The following KIF5B variants were observed in gnomAD, a reference collection of about 807,000 sequenced individuals.
KIF5B encodes kinesin family member 5B.
A neutral mutation model predicts 132.8 loss-of-function variants in KIF5B; 49 were observed. The observed-to-expected ratio is 0.37, with a 90% confidence interval of 0.29 to 0.47. KIF5B has a LOEUF of 0.47. KIF5B is among the 20% of genes least tolerant of loss of function. The pLI, the probability that KIF5B is intolerant of heterozygous loss-of-function variation, is 1.00. For synonymous variants in KIF5B, 355 were observed against 369.4 expected (o/e 0.96, Z 0.45); for missense variants, 780 against 1,144.0 (o/e 0.68, Z 4.59).
intron 15 of KIF5B, among the ~76,000 whole-genome samples, chr10:32,025,448 T>A (rs1048613048): frequency 6.6e-6 from 1 of 152,212 alleles, no homozygotes; most frequent in Non-Finnish European, 1.5e-5. Context: ...CCATCTTGGC[T>A]CACTGCAACC....
Position 32,016,016 on chromosome 10 carries a change from C to A in KIF5B, c.2762-357G>T, listed in dbSNP as rs564902717. 2.2e-4 allele frequency among the ~76,000 whole-genome samples: 34 copies of A among 152,078 alleles called. No individual in the cohort carries two copies. In the South Asian group the frequency reaches 2.7e-3, roughly 12 times the overall value. On this transcript the variant is annotated intron_variant, in intron 24 of 25. Coordinates refer to ENST00000302418, the MANE Select transcript of KIF5B (RefSeq NM_004521.3). ...AAAATTAGCTAGGTGTGGTGGCGTG[C>A]ACCTGTAGTCCCAGCTACTTGGAAG...
rs200339436 is a variant in KIF5B, at chr10:32,019,858, G to A, written c.2306C>T (p.Thr769Met). 341 of 1,580,522 alleles carry A rather than the reference G, an allele frequency of 2.2e-4. 2 individuals are homozygous for A. The Middle Eastern group carries it at 2.7e-3, about 12-fold the overall frequency. The change falls in exon 20 of 26, where the codon ACG (threonine) becomes ATG (methionine). Residue 769 changes from threonine (T) to methionine (M), a missense_variant and splice_region_variant. Coordinates refer to ENST00000302418, the MANE Select transcript of KIF5B (RefSeq NM_004521.3). The part of the protein sequence containing the change: ...QEKSRKLHEL[T>M]VMQDRREQAR... ...ACTTTAATTAAAAACAATTACTCAC[G>A]TAAGTTCATGTAGTTTTCTGCTCTT...
intron 2 of KIF5B, among the ~76,000 whole-genome samples, chr10:32,047,641 A>G (rs935247353): frequency 6.6e-6 from 1 of 152,186 alleles, no homozygotes; most frequent in Non-Finnish European, 1.5e-5. Context: ...CACCTCATCT[A>G]TAAACCTTCT....
At position 32,056,171 on chromosome 10, in the gene KIF5B, T is replaced by TG. The variant is rs1402617762; in HGVS notation, c.-199dup. The TG allele has an allele frequency of 1.7e-6, 1 of 584,000 alleles. No homozygotes were observed. Among genetic ancestry groups the TG allele is most frequent in the Non-Finnish European group, 2.9e-6 (1 of 342,228 alleles). 36.2% of individuals were successfully genotyped at this position (584,000 alleles called of 1,614,324 possible). ...CGGCGCCGGCAGCCGTTAACCCTAA[T>TG]GCTCACTTCCGATCCATCATGGCAG... is the stretch of plus-strand genomic sequence containing the variant. On this transcript the variant is annotated 5_prime_UTR_variant, in exon 1 of 26. Transcript: ENST00000302418.
intron 1 of KIF5B, among the ~76,000 whole-genome samples, chr10:32,048,759 T>C (rs1254241161): frequency 1.3e-5 from 2 of 152,232 alleles, no homozygotes; most frequent in Non-Finnish European, 2.9e-5. Flanking sequence ...TGGTCTTTAG[T>C]CTTTGCTGCA....
Position 32,012,348 on chromosome 10 carries a change from G to A in KIF5B, c.*21-832C>T, listed in dbSNP as rs188045983. On this transcript the variant is annotated intron_variant, in intron 25 of 25. Transcript: ENST00000302418. ...ACCTTAGGCGGGCGTGGTAGTGGGC[G>A]CCTGTAATCCCAGCTACTCGGGAGG... 2.4e-3 allele frequency among the ~76,000 whole-genome samples: 365 copies of A among 152,212 alleles called. 3 individuals are homozygous for A. Among genetic ancestry groups the A allele is most frequent in the Middle Eastern group, 0.017 (5 of 294 alleles).
chr10:32,055,723 C>A, intron 1 of KIF5B, 125 bp downstream of exon 1: 1 of 1,333,420 alleles, frequency 7.5e-7, no homozygotes, highest in South Asian at 1.4e-5. Context: ...AACCGGCAAA[C>A]CCCGCCGGGG....
chr10:32,050,055 T>C (rs987323660), intron 1 of KIF5B, among the ~76,000 whole-genome samples: 7 of 152,128 alleles, frequency 4.6e-5, no homozygotes, highest in African/African-American at 1.4e-4. Flanking sequence ...TTTGCAAGTA[T>C]CTGCCTGCTC....
chr10:32,029,664 T>C (rs902429941), intron 14 of KIF5B, among the ~76,000 whole-genome samples: 6 of 152,216 alleles, frequency 3.9e-5, no homozygotes, highest in Non-Finnish European at 8.8e-5. Flanking sequence ...TATAAACAGA[T>C]GCTAAACACT....
intron 11 of KIF5B, among the ~76,000 whole-genome samples, chr10:32,034,387 C>T (rs552971620): frequency 1.3e-5 from 2 of 152,288 alleles, no homozygotes; most frequent in African/African-American, 4.8e-5. Flanking sequence ...GCTAGGATTA[C>T]AGGCATGAGC....
At chr10:32,018,758 G>A (rs1841216259) in intron 20 of KIF5B, among the ~76,000 whole-genome samples, 196 bp from the exon 21 acceptor site, 1 of 150,164 alleles carries the variant, frequency 6.7e-6, no homozygotes, top group Admixed American at 6.6e-5. Context: ...CAGAGTTTCT[G>A]TCCCAAACAC....
intron 2 of KIF5B, 94 bp downstream of exon 2, chr10:32,048,370 G>C (rs1271715119): frequency 1.3e-6 from 1 of 747,344 alleles, no homozygotes. Flanking sequence ...GAAGAAAGGG[G>C]CATTAAAATG....
intron 13 of KIF5B, 70 bp downstream of exon 13, chr10:32,032,636 A>C (rs567529295): frequency 1.7e-6 from 2 of 1,188,998 alleles, no homozygotes; most frequent in Non-Finnish European, 2.5e-6. Context: ...ATTAAAGACA[A>C]AGTCAATGGG....
At chr10:32,030,066 T>C (rs555689722) in intron 14 of KIF5B, among the ~76,000 whole-genome samples, 1 of 152,228 alleles carries the variant, frequency 6.6e-6, no homozygotes, top group African/African-American at 2.4e-5. Context: ...CAACTCTAGA[T>C]GCTGATTTCT....
At chr10:32,055,342 G>A (rs1410249523) in intron 1 of KIF5B, among the ~76,000 whole-genome samples, 2 of 152,134 alleles carry the variant, frequency 1.3e-5, no homozygotes, top group Non-Finnish European at 2.9e-5. Context: ...TTCTCCCAGA[G>A]GGAAACAATA....
At chr10:32,018,449 G>C (rs887294759) in intron 21 of KIF5B, 53 bp downstream of exon 21, 20 of 1,591,018 alleles carry the variant, frequency 1.3e-5, no homozygotes, top group Non-Finnish European at 1.6e-5. Flanking sequence ...AATCATGGTA[G>C]AAAAAACCCA....
At chr10:32,046,223 C>T (rs1331027331) in intron 2 of KIF5B, among the ~76,000 whole-genome samples, 5 of 152,100 alleles carry the variant, frequency 3.3e-5, no homozygotes, top group Non-Finnish European at 5.9e-5. Flanking sequence ...ATTCATGAAT[C>T]GGTAACTTTC....
In KIF5B at chr10:32,009,210, G is replaced by GA. The variant is rs1491326918; in HGVS notation, c.*2326dup. The GA allele has an allele frequency of 6.6e-6, 1 of 152,188 alleles. No individual in the cohort carries two copies. The highest frequency in any genetic ancestry group is 6.5e-5 in the Admixed American group (1 of 15,282). 9.4% of individuals were successfully genotyped at this position (152,188 alleles called of 1,614,324 possible). ...TGTCAAATGGAGTTAAGCACAAACT[G>GA]AGAGTTACGCACAGTAGTTTTCTTA... is the stretch of plus-strand genomic sequence containing the variant. On this transcript the variant is annotated 3_prime_UTR_variant, in exon 26 of 26. Transcript: ENST00000302418.
At chr10:32,022,013 G>T in intron 17 of KIF5B, 127 bp downstream of exon 17, 1 of 592,314 alleles carries the variant, frequency 1.7e-6, no homozygotes. Flanking sequence ...ACATTAATAT[G>T]TATGATTTGT....
Sources: allele counts gnomAD v4.1 joint callset (sites outside exome capture counted in the v4.1 genomes callset), GRCh38; gene constraint gnomAD v4.1.1; transcripts MANE v1.5; gene names NCBI Gene and HGNC (gene_info 2026-07-23, HGNC 2026-07-21).